Variants in SFMBT1 observed in about 807,000 individuals in gnomAD.
SFMBT1 encodes the protein scm-like with four MBT domains protein 1.
SFMBT1 carries 32 observed loss-of-function variants against 108.7 expected under a neutral mutation model. The ratio of observed to expected loss-of-function variants is 0.29; its 90% CI spans 0.22 to 0.40. The LOEUF (loss-of-function observed/expected upper bound fraction) is 0.40. Ranked by LOEUF, SFMBT1 falls within the 10% of genes least tolerant of loss-of-function variation. The pLI is 1.00. For missense variants in SFMBT1, 816 were observed against 1,059.6 expected, an observed-to-expected ratio of 0.77 and a Z score of 3.19; for synonymous variants, 348 against 369.5, an observed-to-expected ratio of 0.94 and a Z score of 0.67.
At chr3:52,947,543 G>T (rs1703413357) in intron 3 of SFMBT1, among the ~76,000 whole-genome samples, 1 of 152,066 alleles carries the variant, frequency 6.6e-6, no homozygotes, top group Non-Finnish European at 1.5e-5. Context: ...TTTCTTTTGG[G>T]AAATGCTTAA....
chr3:53,014,472 TAAAA>T (rs1183425076), intron 1 of SFMBT1, among the ~76,000 whole-genome samples: 2 of 129,066 alleles, frequency 1.5e-5, no homozygotes, highest in Non-Finnish European at 3.3e-5. Context: ...ACCCTGTATT[TAAAA>T]AAAACAAAAC....
chr3:53,020,426 A>AAAG (rs141344589), intron 1 of SFMBT1, among the ~76,000 whole-genome samples: 9,268 of 152,170 alleles, frequency 0.061, 762 homozygotes, highest in South Asian at 0.18. Flanking sequence ...AAATAAAGAA[A>AAAG]AAGAAAAAAA....
At chr3:53,030,683 C>CAA (rs10668462) in intron 1 of SFMBT1, among the ~76,000 whole-genome samples, 20,658 of 82,152 alleles carry the variant, frequency 0.25, 3,498 homozygotes, top group South Asian at 0.52. Context: ...GGCCATAATG[C>CAA]AAAAAAAAAA....
At chr3:52,977,747 A>G (rs924221036) in intron 1 of SFMBT1, among the ~76,000 whole-genome samples, 1 of 152,206 alleles carries the variant, frequency 6.6e-6, no homozygotes, top group Non-Finnish European at 1.5e-5. Flanking sequence ...ATAGGCACAC[A>G]TATATATGTG....
intron 16 of SFMBT1, among the ~76,000 whole-genome samples, chr3:52,912,325 C>T (rs1033563920): frequency 6.6e-6 from 1 of 151,966 alleles, no homozygotes; most frequent in Non-Finnish European, 1.5e-5. Flanking sequence ...GGATTACAGG[C>T]GTGTGCACCG....
chr3:52,908,567 G>A (rs1195945930), intron 17 of SFMBT1, among the ~76,000 whole-genome samples: 1 of 152,018 alleles, frequency 6.6e-6, no homozygotes, highest in African/African-American at 2.4e-5. Flanking sequence ...TGGACCCTGT[G>A]GTCTGTCCCA....
intron 4 of SFMBT1, 58 bp downstream of exon 4, chr3:52,943,295 A>G (rs1185744221): frequency 6.2e-7 from 1 of 1,609,364 alleles, no homozygotes; most frequent in Non-Finnish European, 8.5e-7. Flanking sequence ...GACTGTGGAC[A>G]ATCCAAATTT....
intron 1 of SFMBT1, among the ~76,000 whole-genome samples, chr3:52,985,680 T>A (rs1704879877): frequency 6.6e-6 from 1 of 152,208 alleles, no homozygotes; most frequent in Non-Finnish European, 1.5e-5. Flanking sequence ...CATCATAGGG[T>A]ATACTTACGC....
chr3:52,944,740 T>A (rs976267767), intron 3 of SFMBT1, among the ~76,000 whole-genome samples: 1 of 151,804 alleles, frequency 6.6e-6, no homozygotes, highest in Non-Finnish European at 1.5e-5. Flanking sequence ...AGGCTGGTCT[T>A]GAACTACTGA....
At chr3:52,954,038 T>C (rs1450038064) in intron 3 of SFMBT1, among the ~76,000 whole-genome samples, 5 of 151,886 alleles carry the variant, frequency 3.3e-5, no homozygotes, top group Non-Finnish European at 7.4e-5. Context: ...GGCAGGAGAA[T>C]GGCGTGAACC....
In SFMBT1 at chr3:53,006,941, C is replaced by G. The variant is rs1575434716; in HGVS notation, c.-130-37683G>C. 2.6e-5 allele frequency among the ~76,000 whole-genome samples: 4 copies of G among 152,292 alleles called. No individual in the cohort carries two copies. The Middle Eastern group carries it at 0.01, about 389-fold the overall frequency. ...CACCATTCCATGTTTCATTTTATGG[C>G]TCTGTCTCTCAACCAGTAGACTGTA... On this transcript the variant is annotated intron_variant, in intron 1 of 20. Coordinates refer to ENST00000394752, the MANE Select transcript of SFMBT1 (RefSeq NM_016329.4).
At chr3:52,909,806 T>C (rs1243837747) in intron 17 of SFMBT1, among the ~76,000 whole-genome samples, 1 of 152,196 alleles carries the variant, frequency 6.6e-6, no homozygotes, top group Non-Finnish European at 1.5e-5. Flanking sequence ...ATTGTAAATT[T>C]CATCCTATGT....
chr3:52,928,494 T>C (rs1039025142), intron 8 of SFMBT1, 153 bp from the exon 9 acceptor site: 6 of 721,094 alleles, frequency 8.3e-6, no homozygotes, highest in Non-Finnish European at 1.3e-5. Context: ...GTAATACATA[T>C]AATTACTGTT....
intron 1 of SFMBT1, among the ~76,000 whole-genome samples, chr3:53,031,686 A>C (rs1432606706): frequency 6.6e-6 from 1 of 152,122 alleles, no homozygotes; most frequent in Non-Finnish European, 1.5e-5. Flanking sequence ...TTACATACAC[A>C]TATTTGCCAG....
At chr3:52,983,660 A>G (rs192127427) in intron 1 of SFMBT1, among the ~76,000 whole-genome samples, 61 of 152,324 alleles carry the variant, frequency 4.0e-4, no homozygotes, top group Non-Finnish European at 4.4e-5. Context: ...CCATGTGGGT[A>G]CGTGCGGAAG....
intron 4 of SFMBT1, among the ~76,000 whole-genome samples, chr3:52,937,685 T>C (rs1010168774): frequency 1.3e-5 from 2 of 151,740 alleles, no homozygotes; most frequent in African/African-American, 4.8e-5. Context: ...CGGGTCCAAG[T>C]GGTTCTTCTA....
intron 1 of SFMBT1, among the ~76,000 whole-genome samples, chr3:52,986,999 ATTTACTTGTTAAAACTTTTTG>A (rs1033043045): frequency 6.6e-6 from 1 of 151,980 alleles, no homozygotes; most frequent in Non-Finnish European, 1.5e-5. Context: ...TTAACTTTTT[ATTTACTTGTTAAAACTTTTTG>A]TTAAAAACTA....
At position 52,930,989 on chromosome 3, in the gene SFMBT1, G is replaced by A; in HGVS notation, c.747C>T (p.Ala249=). The A allele has an allele frequency of 6.2e-7, 1 of 1,613,824 alleles. No homozygotes were observed. Among genetic ancestry groups the A allele is most frequent in the Non-Finnish European group, 8.5e-7 (1 of 1,179,904 alleles). ...KNEAEWQEIL[A]KVKEEEEEPL... is the part of the protein sequence containing the mutation. ...GCTCTTCCTCTTCCTCTTTCACTTT[G>A]GCCAAAATCTCTTGCCACTCAGCTT... Residue 249 remains alanine, a synonymous_variant, in exon 7 of 21, where the codon GCC becomes GCT. Transcript: ENST00000394752.
chr3:53,012,090 G>A (rs972381047), intron 1 of SFMBT1, among the ~76,000 whole-genome samples: 3 of 152,160 alleles, frequency 2.0e-5, no homozygotes, highest in African/African-American at 7.2e-5. Context: ...TGAGAGGTAG[G>A]AAACCTAGAA....
Sources: gnomAD v4.1 joint callset for allele counts (sites outside exome capture counted in the v4.1 genomes callset) on GRCh38, gnomAD v4.1.1 for gene constraint, MANE v1.5 for transcripts, NCBI Gene and HGNC (gene_info 2026-07-23, HGNC 2026-07-21) for gene names.